JARID2: variants seen among roughly 807,000 people sequenced by gnomAD.
JARID2 encodes the protein protein Jumonji.
A neutral mutation model predicts 125.6 loss-of-function variants in JARID2; 21 were observed. That is an observed-to-expected ratio of 0.17 (90% CI 0.12 to 0.24). The LOEUF (loss-of-function observed/expected upper bound fraction) is 0.24, where lower values mean the gene tolerates loss of function less well. Ranked by LOEUF, JARID2 falls within the 10% of genes least tolerant of loss-of-function variation. The probability of loss-of-function intolerance (pLI) is 1.00; values close to 1 mark genes in which losing one functional copy is unlikely to be tolerated. For synonymous variants in JARID2, 736 were observed against 661.6 expected (o/e 1.11, Z -1.73); for missense variants, 1,303 against 1,639.6 (o/e 0.79, Z 3.55).
intron 1 of JARID2, among the ~76,000 whole-genome samples, chr6:15,306,120 A>G (rs1761812596): frequency 6.6e-6 from 1 of 152,134 alleles, no homozygotes; most frequent in Non-Finnish European, 1.5e-5. Context: ...TTCTGTTGGC[A>G]AGTAACTTCA....
intron 4 of JARID2, among the ~76,000 whole-genome samples, chr6:15,456,058 G>A (rs1314562119): frequency 6.6e-6 from 1 of 152,220 alleles, no homozygotes; most frequent in Non-Finnish European, 1.5e-5. Flanking sequence ...TGACTGTTGT[G>A]TTTAGTTCTC....
chr6:15,467,768 G>A (rs879535661), intron 4 of JARID2, among the ~76,000 whole-genome samples: 6 of 152,054 alleles, frequency 3.9e-5, no homozygotes, highest in Admixed American at 6.6e-5. Context: ...AGCTGTGATC[G>A]CGCCACTGCA....
intron 4 of JARID2, among the ~76,000 whole-genome samples, chr6:15,465,842 C>T (rs1263462268): frequency 6.6e-6 from 1 of 151,256 alleles, no homozygotes; most frequent in Non-Finnish European, 1.5e-5. Context: ...CTTGTTCTGT[C>T]GCCCAGCCTG....
intron 5 of JARID2, among the ~76,000 whole-genome samples, chr6:15,474,820 T>A (rs727734): frequency 0.79 from 120,585 of 152,204 alleles, 47,827 homozygotes; most frequent in African/African-American, 0.83. Context: ...AGATTAAAAC[T>A]TTTATATCCC....
intron 4 of JARID2, among the ~76,000 whole-genome samples, chr6:15,459,768 T>A (rs1018997240): frequency 1.3e-5 from 2 of 152,198 alleles, no homozygotes; most frequent in African/African-American, 4.8e-5. Flanking sequence ...TATTGAGGAC[T>A]AGGATTTCTA....
chr6:15,488,599 G>A (rs1294463330), intron 6 of JARID2, among the ~76,000 whole-genome samples: 4 of 152,114 alleles, frequency 2.6e-5, no homozygotes, highest in Non-Finnish European at 5.9e-5. Flanking sequence ...GAAAATACTC[G>A]ATTTCGTCTT....
At chr6:15,250,510 G>A (rs1204574750) in intron 1 of JARID2, among the ~76,000 whole-genome samples, 5 of 152,112 alleles carry the variant, frequency 3.3e-5, no homozygotes, top group Admixed American at 2.0e-4. Flanking sequence ...TAGGTGCAGG[G>A]CAGTGGCAGT....
chr6:15,385,413 A>G (rs1764745736), intron 2 of JARID2, among the ~76,000 whole-genome samples: 1 of 151,914 alleles, frequency 6.6e-6, no homozygotes. Flanking sequence ...AGCATTTCTC[A>G]CTGCCTGACA....
At chr6:15,449,111 T>C (rs779555573) in intron 3 of JARID2, among the ~76,000 whole-genome samples, 2 of 152,132 alleles carry the variant, frequency 1.3e-5, no homozygotes, top group Non-Finnish European at 2.9e-5. Context: ...CCCACTTCAT[T>C]GTCCCATGTG....
chr6:15,249,374 G>A (rs1382575431), intron 1 of JARID2, among the ~76,000 whole-genome samples: 2 of 152,094 alleles, frequency 1.3e-5, no homozygotes, highest in East Asian at 3.9e-4. Context: ...TGTACCTACT[G>A]ACTGTTATTT....
chr6:15,449,255 T>A (rs915259402), intron 3 of JARID2, among the ~76,000 whole-genome samples: 23 of 152,258 alleles, frequency 1.5e-4, no homozygotes, highest in Admixed American at 5.9e-4. Flanking sequence ...CCTTATTTTT[T>A]AAAAAATAAC....
chr6:15,371,189 A>ATGGTTTATG (rs1764154843), intron 1 of JARID2, among the ~76,000 whole-genome samples: 2 of 152,264 alleles, frequency 1.3e-5, no homozygotes, highest in Admixed American at 6.5e-5. Context: ...TTCATCTCAC[A>ATGGTTTATG]TGGTTTATGT....
At chr6:15,451,139 TCAAA>T (rs1245999270) in intron 3 of JARID2, among the ~76,000 whole-genome samples, 12 of 152,152 alleles carry the variant, frequency 7.9e-5, no homozygotes, top group South Asian at 2.1e-4. Flanking sequence ...AGACTCCATC[TCAAA>T]CAAACAAACA....
intron 3 of JARID2, among the ~76,000 whole-genome samples, chr6:15,419,312 T>G (rs547106684): frequency 1.3e-5 from 2 of 152,338 alleles, no homozygotes; most frequent in African/African-American, 4.8e-5. Context: ...ATGTACTCTC[T>G]ACTACAGAAA....
At chr6:15,338,689 C>T (rs1440299976) in intron 1 of JARID2, among the ~76,000 whole-genome samples, 4 of 152,180 alleles carry the variant, frequency 2.6e-5, no homozygotes, top group Non-Finnish European at 5.9e-5. Flanking sequence ...TGGTCCACCC[C>T]AACTTCCCTA....
chr6:15,314,709 CATAG>C (rs1762123788), intron 1 of JARID2, among the ~76,000 whole-genome samples: 1 of 152,106 alleles, frequency 6.6e-6, no homozygotes, highest in Non-Finnish European at 1.5e-5. Flanking sequence ...ATCCATGGTA[CATAG>C]ATGCCAGAGG....
intron 2 of JARID2, among the ~76,000 whole-genome samples, chr6:15,400,477 G>C (rs546574126): frequency 1.3e-5 from 2 of 152,134 alleles, no homozygotes; most frequent in Admixed American, 1.3e-4. Context: ...CTGTCTGTGG[G>C]GGTGGGGTGT....
At chr6:15,287,099 C>T (rs1761031010) in intron 1 of JARID2, among the ~76,000 whole-genome samples, 1 of 151,592 alleles carries the variant, frequency 6.6e-6, no homozygotes, top group Admixed American at 6.6e-5. Flanking sequence ...GAACTCCAGC[C>T]TGGGCAACAA....
chr6:15,247,354 ATTTGT>A (rs1759218772), intron 1 of JARID2: 4 of 856,540 alleles, frequency 4.7e-6, no homozygotes, highest in East Asian at 1.2e-4. Flanking sequence ...GAATAGTTAA[ATTTGT>A]TTTGTGCATA....
Sources: allele counts gnomAD v4.1 joint callset (sites outside exome capture counted in the v4.1 genomes callset), GRCh38; gene constraint gnomAD v4.1.1; transcripts MANE v1.5; gene names NCBI Gene and HGNC (gene_info 2026-07-23, HGNC 2026-07-21).